CHST8: variants seen among roughly 807,000 people sequenced by gnomAD.
The protein encoded by CHST8 is GALNAC-4-ST1.
A neutral mutation model predicts 15.0 loss-of-function variants in CHST8; 10 were observed. The ratio of observed to expected loss-of-function variants is 0.67; its 90% CI spans 0.41 to 1.13. CHST8 has a LOEUF of 1.13. Ranked by LOEUF, CHST8 falls within the 50% of genes most tolerant of loss-of-function variation. The pLI is 0.00. For synonymous variants in CHST8, 259 were observed against 256.6 expected (o/e 1.01, Z -0.09); for missense variants, 634 against 608.2 (o/e 1.04, Z -0.45).
At chr19:33,695,787 A>G (rs1973198227) in intron 3 of CHST8, among the ~76,000 whole-genome samples, 1 of 133,072 alleles carries the variant, frequency 7.5e-6, no homozygotes, top group African/African-American at 2.9e-5. Context: ...TGGTGTATAT[A>G]TACCACATTT....
At chr19:33,705,893 G>C (rs961472594) in intron 3 of CHST8, among the ~76,000 whole-genome samples, 3 of 152,202 alleles carry the variant, frequency 2.0e-5, no homozygotes, top group Non-Finnish European at 4.4e-5. Context: ...GTGGCATCCA[G>C]GGGTGTGGTA....
At chr19:33,762,838 G>GT (rs1235282810) in intron 3 of CHST8, among the ~76,000 whole-genome samples, 1 of 151,776 alleles carries the variant, frequency 6.6e-6, no homozygotes, top group African/African-American at 2.4e-5. Context: ...TCACACAGCA[G>GT]TGGGTGTGTG....
chr19:33,657,964 T>G (rs747418241), intron 1 of CHST8, among the ~76,000 whole-genome samples: 2 of 152,190 alleles, frequency 1.3e-5, no homozygotes, highest in Non-Finnish European at 2.9e-5. Flanking sequence ...ATACCAGAAC[T>G]GTACACTGAG....
intron 3 of CHST8, among the ~76,000 whole-genome samples, chr19:33,755,354 G>T (rs557655067): frequency 6.6e-6 from 1 of 152,280 alleles, no homozygotes; most frequent in African/African-American, 2.4e-5. Flanking sequence ...TCCCCCATGT[G>T]ATTTATTGCC....
intron 3 of CHST8, among the ~76,000 whole-genome samples, chr19:33,719,154 C>T (rs1210965099): frequency 1.3e-5 from 2 of 151,204 alleles, no homozygotes; most frequent in Non-Finnish European, 2.9e-5. Flanking sequence ...CAAAATAAAA[C>T]GTGTTTTCTA....
intron 3 of CHST8, among the ~76,000 whole-genome samples, chr19:33,764,941 G>T (rs1974803412): frequency 6.6e-6 from 1 of 151,730 alleles, no homozygotes; most frequent in Non-Finnish European, 1.5e-5. Context: ...AACATACAAT[G>T]TTTGGTTTTC....
chr19:33,754,721 G>T (rs1326901880), intron 3 of CHST8, among the ~76,000 whole-genome samples: 1 of 152,188 alleles, frequency 6.6e-6, no homozygotes, highest in Non-Finnish European at 1.5e-5. Context: ...CAGAGGCAGG[G>T]GTGACAGCCT....
rs188670334 is a variant in CHST8 at position 33,764,117 on chromosome 19, A to G, written c.131-7296A>G. ...CAGAACCCTGGGCCCAGCTTCTGGGAAGCCCCATACCCTTCCTCATGTCCA... is the reference window on the plus strand; with the variant it reads ...CAGAACCCTGGGCCCAGCTTCTGGGGAGCCCCATACCCTTCCTCATGTCCA... On this transcript the variant is annotated intron_variant, in intron 3 of 4. Coordinates refer to ENST00000650847, the MANE Select transcript of CHST8 (RefSeq NM_001127895.2). Among the ~76,000 whole-genome samples, 20 of 152,290 alleles carry G rather than the reference A, an allele frequency of 1.3e-4. No homozygotes were observed. The East Asian group carries it at 3.9e-3, about 29-fold the overall frequency.
chr19:33,680,736 C>T (rs895358551), intron 2 of CHST8, among the ~76,000 whole-genome samples: 8 of 152,176 alleles, frequency 5.3e-5, no homozygotes, highest in Non-Finnish European at 1.0e-4. Context: ...AAGGCACAGT[C>T]CCTTAACTTT....
Position 33,719,441 on chromosome 19 carries a change from G to C in CHST8, c.130+30050G>C, listed in dbSNP as rs562581003. 6.6e-5 allele frequency among the ~76,000 whole-genome samples: 10 copies of C among 152,266 alleles called. No homozygotes were observed. The South Asian group carries it at 8.3e-4, about 13-fold the overall frequency. On this transcript the variant is annotated intron_variant, in intron 3 of 4. Transcript: ENST00000650847. ...CTAAGCTCACTGAGGAATTGTTCTAGGGGAAGTGTCTTTGAAGGAGGTGAG... is the reference window on the plus strand; with the variant it reads ...CTAAGCTCACTGAGGAATTGTTCTACGGGAAGTGTCTTTGAAGGAGGTGAG...
rs551500354 is a variant in CHST8, at chr19:33,721,156, C to T, written c.130+31765C>T. 6.6e-5 allele frequency among the ~76,000 whole-genome samples: 10 copies of T among 152,224 alleles called. No individual in the cohort carries two copies. The South Asian group carries it at 1.9e-3, about 28-fold the overall frequency. ...ACCAGAAAGCTAGTGCTCTCGGGGA[C>T]CCTCTCTGGGGGCCCGCAGCCATGG... On this transcript the variant is annotated intron_variant, in intron 3 of 4. Coordinates refer to ENST00000650847, the MANE Select transcript of CHST8 (RefSeq NM_001127895.2).
chr19:33,772,238 C>G lies in CHST8; in HGVS notation c.450C>G (p.His150Gln), dbSNP rs764742548. ...TGGATGGCCGCTGGGTCAGCCTGCA[C>G]CGGAGCCAGCAGGAGCGCAAGCGGG... ...GTLDGRWVSL[H>Q]RSQQERKRVM... Residue 150 changes from histidine to glutamine, a missense_variant, in exon 5 of 5, where the codon CAC becomes CAG. Transcript: ENST00000650847. 2.5e-6 allele frequency: 4 copies of G among 1,598,248 alleles called. No individual in the cohort carries two copies. Among genetic ancestry groups the G allele is most frequent in the Non-Finnish European group, 1.7e-6 (2 of 1,177,086 alleles).
chr19:33,678,254 T>C (rs1972836094), intron 2 of CHST8, among the ~76,000 whole-genome samples: 1 of 152,212 alleles, frequency 6.6e-6, no homozygotes, highest in Admixed American at 6.5e-5. Context: ...TCCTGTCCCA[T>C]GCACAGTCAC....
intron 1 of CHST8, among the ~76,000 whole-genome samples, chr19:33,644,116 A>G (rs1362587905): frequency 1.3e-5 from 2 of 152,180 alleles, no homozygotes; most frequent in Non-Finnish European, 2.9e-5. Flanking sequence ...CATTTTTGGT[A>G]GAGATGCGGT....
chr19:33,678,848 A>G (rs1488134877), intron 2 of CHST8, among the ~76,000 whole-genome samples: 1 of 152,226 alleles, frequency 6.6e-6, no homozygotes, highest in East Asian at 1.9e-4. Context: ...GAGCACAACC[A>G]CTGGACTCCA....
chr19:33,630,324 G>A (rs575410986), intron 1 of CHST8, among the ~76,000 whole-genome samples: 6 of 152,384 alleles, frequency 3.9e-5, no homozygotes, highest in East Asian at 1.9e-4. Flanking sequence ...AGAAGGTACT[G>A]AGCGATTGCT....
chr19:33,656,869 A>C (rs747434958), intron 1 of CHST8, among the ~76,000 whole-genome samples: 5 of 152,136 alleles, frequency 3.3e-5, no homozygotes, highest in Non-Finnish European at 5.9e-5. Flanking sequence ...AACAACGTTT[A>C]TCTATTTATA....
chr19:33,738,340 G>A (rs1297241045), intron 3 of CHST8, among the ~76,000 whole-genome samples: 1 of 152,204 alleles, frequency 6.6e-6, no homozygotes, highest in Non-Finnish European at 1.5e-5. Flanking sequence ...TTTGTCCTTT[G>A]TATCAGATCT....
intron 2 of CHST8, among the ~76,000 whole-genome samples, chr19:33,683,938 A>C (rs1972931760): frequency 6.6e-6 from 1 of 152,212 alleles, no homozygotes; most frequent in Admixed American, 6.5e-5. Flanking sequence ...GTTTCTTTAC[A>C]TGCAGAATGA....
Sources: gnomAD v4.1 joint callset for allele counts (sites outside exome capture counted in the v4.1 genomes callset) on GRCh38, gnomAD v4.1.1 for gene constraint, MANE v1.5 for transcripts, NCBI Gene and HGNC (gene_info 2026-07-23, HGNC 2026-07-21) for gene names.